Variants in PARD3B observed in about 807,000 individuals in gnomAD.
The protein encoded by PARD3B is partitioning defective 3 homolog B.
PARD3B carries 103 observed loss-of-function variants against 130.2 expected under a neutral mutation model. The ratio of observed to expected loss-of-function variants is 0.79; its 90% CI spans 0.67 to 0.93. PARD3B has a LOEUF of 0.93. Among genes scored for constraint, PARD3B ranks in the 40% least tolerant of loss-of-function variants. The pLI is 0.00. For synonymous variants in PARD3B, 583 were observed against 553.2 expected, an observed-to-expected ratio of 1.05 and a Z score of -0.76; for missense variants, 1,609 against 1,499.2, an observed-to-expected ratio of 1.07 and a Z score of -1.21.
At position 205,287,724 on chromosome 2, in the gene PARD3B, G is replaced by C. The variant is rs2041449528; in HGVS notation, c.2186-12806G>C. On this transcript the variant is annotated intron_variant, in intron 16 of 22. Coordinates refer to ENST00000406610, the MANE Select transcript of PARD3B (RefSeq NM_001302769.2). The surrounding 1 kb of genome is among the most constrained non-coding windows in gnomAD (Gnocchi z 4.8). ...ATGTCAGCACTCGGGGGAGAAAAGA[G>C]AGACAGTTTAGGATAAGTGGAGAGT... Among the ~76,000 whole-genome samples the C allele has an allele frequency of 6.6e-6, 1 of 152,164 alleles. No homozygotes were observed.
rs991817393 is a variant in PARD3B at position 205,592,589 on chromosome 2, G to A, written c.3261-22867G>A. 3.3e-5 allele frequency among the ~76,000 whole-genome samples: 5 copies of A among 152,142 alleles called. No homozygotes were observed. Among genetic ancestry groups the A allele is most frequent in the Non-Finnish European group, 7.3e-5 (5 of 68,042 alleles). ...ATACAATGGTTATTGATTCCATAGA[G>A]GCAGAATGTTTCCCATACAACTATA... On this transcript the variant is annotated intron_variant, in intron 22 of 22. Transcript: ENST00000406610. The surrounding 1 kb of genome is among the most constrained non-coding windows in gnomAD (Gnocchi z 4.5).
intron 20 of PARD3B, among the ~76,000 whole-genome samples, chr2:205,444,633 A>G (rs989524629): frequency 3.9e-5 from 6 of 152,196 alleles, no homozygotes; most frequent in Non-Finnish European, 8.8e-5. Context: ...TGTTTTGGGA[A>G]AATAGCTCTT....
At chr2:204,737,659 T>A (rs901497176) in intron 2 of PARD3B, among the ~76,000 whole-genome samples, 4 of 152,236 alleles carry the variant, frequency 2.6e-5, no homozygotes, top group Non-Finnish European at 5.9e-5. Context: ...TAGGCCAGTG[T>A]CTAGAAGAGT....
chr2:204,674,425 G>T (rs1406204381), intron 1 of PARD3B, among the ~76,000 whole-genome samples: 1 of 149,880 alleles, frequency 6.7e-6, no homozygotes, highest in East Asian at 2.0e-4. Context: ...ACAGTAGCAG[G>T]TAGTATTATC....
intron 3 of PARD3B, among the ~76,000 whole-genome samples, chr2:205,007,550 T>C (rs1205625886): frequency 6.6e-6 from 1 of 152,194 alleles, no homozygotes; most frequent in African/African-American, 2.4e-5. Flanking sequence ...CCTGTTTTTA[T>C]ACCACTACCG....
At chr2:205,100,679 A>T (rs1702709618) in intron 4 of PARD3B, among the ~76,000 whole-genome samples, 2 of 152,152 alleles carry the variant, frequency 1.3e-5, no homozygotes, top group Admixed American at 6.6e-5. Flanking sequence ...ATCCGGAAAT[A>T]TACCCTTACA....
chr2:205,117,157 G>A (rs1367228440), intron 6 of PARD3B, among the ~76,000 whole-genome samples: 1 of 152,148 alleles, frequency 6.6e-6, no homozygotes, highest in Non-Finnish European at 1.5e-5. Flanking sequence ...GAACTCTTAG[G>A]ATGCTGTTTA....
At chr2:204,680,395 C>T (rs1251170789) in intron 1 of PARD3B, among the ~76,000 whole-genome samples, 2 of 151,966 alleles carry the variant, frequency 1.3e-5, no homozygotes, top group Non-Finnish European at 1.5e-5. Context: ...TCTGTAGGAT[C>T]TATAATGGTT....
intron 2 of PARD3B, among the ~76,000 whole-genome samples, chr2:204,937,811 C>T (rs1477449179): frequency 6.6e-6 from 1 of 152,064 alleles, no homozygotes; most frequent in East Asian, 1.9e-4. Flanking sequence ...AATTTTAAAT[C>T]CTGGGTACCC....
At chr2:204,707,813 T>G (rs1267220526) in intron 2 of PARD3B, among the ~76,000 whole-genome samples, 2 of 152,330 alleles carry the variant, frequency 1.3e-5, no homozygotes, top group Admixed American at 1.3e-4. Context: ...TTTTAAAAAA[T>G]AGTAATGCAG....
intron 2 of PARD3B, among the ~76,000 whole-genome samples, chr2:204,926,661 C>T (rs150184437): frequency 2.9e-4 from 44 of 152,140 alleles, no homozygotes; most frequent in Non-Finnish European, 1.3e-4. Flanking sequence ...GTCTTCATAG[C>T]AGTTTTGAAG....
intron 1 of PARD3B, among the ~76,000 whole-genome samples, chr2:204,611,724 G>A (rs890173203): frequency 4.6e-5 from 7 of 151,964 alleles, no homozygotes; most frequent in East Asian, 3.9e-4. Flanking sequence ...GGACTAATTC[G>A]GACAAAGTCT....
chr2:205,390,122 A>T lies in PARD3B; in HGVS notation c.2631-10891A>T, dbSNP rs986843983. Among the ~76,000 whole-genome samples the T allele has an allele frequency of 2.4e-4, 37 of 151,650 alleles. 1 individual carries two copies. The highest frequency in any genetic ancestry group is 8.9e-4 in the African/African-American group (37 of 41,412). On this transcript the variant is annotated intron_variant, in intron 18 of 22. Transcript: ENST00000406610. ...CTCTTACCAGCTCTACCATGCATTA[A>T]TTATTTTTCTTCTTTTGTATTTATA... is the stretch of plus-strand genomic sequence containing the variant.
intron 10 of PARD3B, among the ~76,000 whole-genome samples, chr2:205,154,785 C>G (rs567539397): frequency 3.9e-5 from 6 of 152,284 alleles, no homozygotes; most frequent in Admixed American, 2.0e-4. Flanking sequence ...TCTGAGCAAA[C>G]TATCGCAAGG....
intron 10 of PARD3B, among the ~76,000 whole-genome samples, chr2:205,156,206 G>C (rs1274779528): frequency 1.6e-5 from 2 of 122,708 alleles, no homozygotes; most frequent in Admixed American, 1.2e-4. Flanking sequence ...GGTGGGAATT[G>C]AACAATGAGA....
At chr2:204,822,059 T>C (rs1259176705) in intron 2 of PARD3B, among the ~76,000 whole-genome samples, 2 of 152,318 alleles carry the variant, frequency 1.3e-5, no homozygotes, top group East Asian at 1.9e-4. Context: ...GCAATGTAAA[T>C]TGAAACCTTC....
At chr2:205,226,499 G>A in intron 15 of PARD3B, among the ~76,000 whole-genome samples, 1 of 152,092 alleles carries the variant, frequency 6.6e-6, no homozygotes, top group African/African-American at 2.4e-5. Flanking sequence ...GGTTTTATAT[G>A]TAAGTATTTA....
intron 2 of PARD3B, among the ~76,000 whole-genome samples, chr2:204,883,455 A>ATATTTTT (rs1377428928): frequency 3.9e-5 from 3 of 77,272 alleles, no homozygotes; most frequent in Admixed American, 1.8e-4. Context: ...ATATATATAT[A>ATATTTTT]TTTTTTTTTT....
chr2:204,885,959 T>A (rs776729208), intron 2 of PARD3B, among the ~76,000 whole-genome samples: 5 of 152,138 alleles, frequency 3.3e-5, no homozygotes, highest in Non-Finnish European at 7.4e-5. Flanking sequence ...GTGGGCCACT[T>A]CTCCCACTTT....
Sources: gnomAD v4.1 joint callset for allele counts (sites outside exome capture counted in the v4.1 genomes callset) on GRCh38, gnomAD v4.1.1 for gene constraint, Gnocchi (gnomAD v3.1) non-coding constraint, MANE v1.5 for transcripts, NCBI Gene and HGNC (gene_info 2026-07-23, HGNC 2026-07-21) for gene names.